The following FAM3C variants were observed in gnomAD, a reference collection of about 807,000 sequenced individuals.
FAM3C encodes protein FAM3C.
In FAM3C, 15 loss-of-function variants were observed where a neutral mutation model predicts 32.5. The ratio of observed to expected loss-of-function variants is 0.46; its 90% CI spans 0.31 to 0.71. The LOEUF (loss-of-function observed/expected upper bound fraction) is 0.71. Ranked by LOEUF, FAM3C falls within the 30% of genes least tolerant of loss-of-function variation. FAM3C has a pLI of 0.05. For missense variants in FAM3C, 175 were observed against 274.4 expected (o/e 0.64, Z 2.56); for synonymous variants, 75 against 86.1 (o/e 0.87, Z 0.72).
At chr7:121,395,246 TATATGGATA>T (rs1794661838) in intron 1 of FAM3C, among the ~76,000 whole-genome samples, 1 of 48,092 alleles carries the variant, frequency 2.1e-5, no homozygotes, top group African/African-American at 1.8e-4. Context: ...TACATACATA[TATATGGATA>T]CATACATATA....
intron 8 of FAM3C, among the ~76,000 whole-genome samples, chr7:121,358,133 T>G (rs1793848166): frequency 1.3e-5 from 2 of 152,124 alleles, no homozygotes; most frequent in South Asian, 4.1e-4. Context: ...AACCTTCAAT[T>G]TATGGATTTA....
Position 121,395,195 on chromosome 7 carries a change from A to G in FAM3C, c.-42+967T>C, listed in dbSNP as rs1013303936. ...TACATACATATATATGGATACATGG[A>G]TACATACATATATACGGATACATAC... On this transcript the variant is annotated intron_variant, in intron 1 of 9. Transcript: ENST00000359943. Among the ~76,000 whole-genome samples the G allele has an allele frequency of 5.3e-5, 8 of 151,392 alleles. No homozygotes were observed. The East Asian group carries it at 1.6e-3, about 30-fold the overall frequency.
Position 121,378,890 on chromosome 7 carries a change from A to T in FAM3C, c.118+20T>A, listed in dbSNP as rs923673597. 6 of 1,327,362 alleles carry T rather than the reference A, an allele frequency of 4.5e-6. No homozygotes were observed. Among genetic ancestry groups the T allele is most frequent in the African/African-American group, 1.5e-5 (1 of 67,510 alleles). The allele number at this position is 1,327,362 out of a possible 1,614,324, so 82.2% of individuals were successfully genotyped here. A position where few individuals can be genotyped will look rare whatever the true frequency, so the allele number is the denominator to read the frequency against. ...CCACATCAAAAATAAGATTTAAGAA[A>T]GGAAAAAAATAAAACTTACCAAATA... On this transcript the variant is annotated intron_variant, in intron 3 of 9. Coordinates refer to ENST00000359943, the MANE Select transcript of FAM3C (RefSeq NM_014888.3).
intron 9 of FAM3C, among the ~76,000 whole-genome samples, chr7:121,350,821 T>C (rs1164564885): frequency 6.6e-6 from 1 of 152,198 alleles, no homozygotes; most frequent in Admixed American, 6.5e-5. Flanking sequence ...AGTTCTAAAA[T>C]ATTTCCAAAC....
chr7:121,390,535 T>C (rs965483137), intron 1 of FAM3C, among the ~76,000 whole-genome samples: 4 of 152,164 alleles, frequency 2.6e-5, no homozygotes, highest in Admixed American at 2.6e-4. Context: ...AAATTAGGGC[T>C]TAGGAGTCAT....
intron 1 of FAM3C, among the ~76,000 whole-genome samples, chr7:121,394,774 AGGTCGAT>A (rs1794651622): frequency 6.6e-6 from 1 of 152,252 alleles, no homozygotes; most frequent in South Asian, 2.1e-4. Context: ...AAAGAGGTAC[AGGTCGAT>A]GAAGTGACCA....
At chr7:121,396,321 G>A (rs1794699170), upstream of FAM3C, 1 of 152,152 alleles carries the variant, frequency 6.6e-6, no homozygotes, top group South Asian at 2.1e-4. Context: ...CCAGGAGAAA[G>A]CCAGCTCGCC....
intron 8 of FAM3C, among the ~76,000 whole-genome samples, chr7:121,357,283 T>C (rs532856281): frequency 6.6e-5 from 10 of 152,236 alleles, no homozygotes; most frequent in Non-Finnish European, 1.5e-4. Flanking sequence ...GCCACCCAAC[T>C]TTCTCTCTTG....
chr7:121,360,272 TAAAG>T, intron 7 of FAM3C, 145 bp from the exon 8 acceptor site: 1 of 566,682 alleles, frequency 1.8e-6, no homozygotes, highest in South Asian at 2.5e-5. Context: ...ACAAATCTCA[TAAAG>T]AGTTTAAAAA....
At chr7:121,360,928 C>T (rs955239879) in intron 7 of FAM3C, among the ~76,000 whole-genome samples, 5 of 152,194 alleles carry the variant, frequency 3.3e-5, no homozygotes, top group African/African-American at 4.8e-5. Context: ...AGCTTTTCTC[C>T]GATTCTCAAA....
chr7:121,380,921 G>A (rs182697947), intron 2 of FAM3C, among the ~76,000 whole-genome samples: 37 of 152,090 alleles, frequency 2.4e-4, no homozygotes, highest in East Asian at 7.7e-4. Flanking sequence ...CTAGTCAGCG[G>A]CAACATTGAG....
At chr7:121,367,125 GTAACC>G (rs1794037377) in intron 5 of FAM3C, among the ~76,000 whole-genome samples, 1 of 152,134 alleles carries the variant, frequency 6.6e-6, no homozygotes, top group Non-Finnish European at 1.5e-5. Flanking sequence ...ATAAAGGTTA[GTAACC>G]CTTACTAACA....
chr7:121,387,201 A>G (rs992985838), intron 1 of FAM3C, among the ~76,000 whole-genome samples: 2 of 151,836 alleles, frequency 1.3e-5, no homozygotes, highest in African/African-American at 4.8e-5. Flanking sequence ...TATTCTTTTG[A>G]TTTTTTTTCA....
chr7:121,350,615 A>G, intron 9 of FAM3C, 65 bp from the exon 10 acceptor site: 2 of 1,499,486 alleles, frequency 1.3e-6, no homozygotes, highest in Admixed American at 3.5e-5. Context: ...TTGCCGTAAC[A>G]TTTTACACAC....
At chr7:121,358,331 C>G (rs1353631493) in intron 8 of FAM3C, among the ~76,000 whole-genome samples, 1 of 151,928 alleles carries the variant, frequency 6.6e-6, no homozygotes, top group Non-Finnish European at 1.5e-5. Context: ...AAGGCTCTGT[C>G]AATTAAAATC....
At position 121,371,318 on chromosome 7, in the gene FAM3C, A is replaced by AT; in HGVS notation, c.253dup (p.Ile85AsnfsTer6). 1.2e-6 allele frequency: 2 copies of AT among 1,613,280 alleles called. No homozygotes were observed. Among genetic ancestry groups the AT allele is most frequent in the Non-Finnish European group, 1.7e-6 (2 of 1,179,872 alleles). ...GACTTACACATTATCTTCCAGGCAG[A>AT]TTTTGGGTCCCACCACGTTGGCTGC... is the stretch of plus-strand genomic sequence containing the variant. On this transcript the variant is annotated frameshift_variant, in exon 5 of 10. Coordinates refer to ENST00000359943, the MANE Select transcript of FAM3C (RefSeq NM_014888.3). LOFTEE classifies it high-confidence loss of function.
intron 3 of FAM3C, among the ~76,000 whole-genome samples, chr7:121,373,501 T>C (rs573485121): frequency 5.9e-5 from 9 of 152,336 alleles, no homozygotes; most frequent in African/African-American, 2.2e-4. Context: ...CAAACTACAC[T>C]GATAGCTTCA....
rs1174140225 is a variant in FAM3C at position 121,358,154 on chromosome 7, A to G, written c.467+1889T>C. 2.6e-5 allele frequency among the ~76,000 whole-genome samples: 4 copies of G among 152,276 alleles called. No homozygotes were observed. The East Asian group carries it at 7.7e-4, about 29-fold the overall frequency. On this transcript the variant is annotated intron_variant, in intron 8 of 9. Coordinates refer to ENST00000359943, the MANE Select transcript of FAM3C (RefSeq NM_014888.3). ...CAATTTATGGATTTAATATATTCTTAGTTGAACCAGATAAAACGCACAATG... is the reference window on the plus strand; with the variant it reads ...CAATTTATGGATTTAATATATTCTTGGTTGAACCAGATAAAACGCACAATG...
At chr7:121,391,383 C>G (rs1283981754) in intron 1 of FAM3C, among the ~76,000 whole-genome samples, 1 of 152,084 alleles carries the variant, frequency 6.6e-6, no homozygotes, top group African/African-American at 2.4e-5. Context: ...GAAACAATGA[C>G]AACAATAAAA....
Sources: allele counts gnomAD v4.1 joint callset (sites outside exome capture counted in the v4.1 genomes callset), GRCh38; gene constraint gnomAD v4.1.1; transcripts MANE v1.5; gene names NCBI Gene and HGNC (gene_info 2026-07-23, HGNC 2026-07-21).